PIK3R3: variants seen among roughly 807,000 people sequenced by gnomAD.
The protein encoded by PIK3R3 is phosphatidylinositol 3-kinase regulatory subunit gamma.
PIK3R3 carries 64 observed loss-of-function variants against 62.9 expected under a neutral mutation model. The observed-to-expected ratio is 1.02, with a 90% CI of 0.83 to 1.25. PIK3R3 has a LOEUF of 1.25. Ranked by LOEUF, PIK3R3 falls within the 50% of genes most tolerant of loss-of-function variation. The pLI is 0.00. For synonymous variants in PIK3R3, 165 were observed against 189.0 expected (o/e 0.87, Z 1.04); for missense variants, 614 against 561.6 (o/e 1.09, Z -0.94).
chr1:46,120,585 A>G (rs953949297), intron 1 of PIK3R3, among the ~76,000 whole-genome samples: 3 of 152,198 alleles, frequency 2.0e-5, no homozygotes, highest in Non-Finnish European at 2.9e-5. Context: ...AAAAATAGAA[A>G]ATGAGAATGC....
chr1:46,060,743 C>G (rs1034723814), intron 6 of PIK3R3, among the ~76,000 whole-genome samples: 1 of 152,174 alleles, frequency 6.6e-6, no homozygotes, highest in Admixed American at 6.5e-5. Context: ...TTAAGCTACA[C>G]TGTCTCACAG....
the PIK3R3 span, among the ~76,000 whole-genome samples, chr1:46,151,463 G>A: frequency 1.3e-5 from 2 of 152,174 alleles, no homozygotes; most frequent in African/African-American, 4.8e-5. Flanking sequence ...TTAAACCCCA[G>A]CCAGGCACAG....
At chr1:46,172,168 T>C in the PIK3R3 span, among the ~76,000 whole-genome samples, 36,942 of 152,128 alleles carry the variant, frequency 0.24, 4,767 homozygotes, top group African/African-American at 0.29. Flanking sequence ...TGTCCCAGTG[T>C]GCCACCACTT....
the PIK3R3 span, among the ~76,000 whole-genome samples, chr1:46,174,187 CTA>C: frequency 4.6e-5 from 7 of 152,144 alleles, no homozygotes; most frequent in Non-Finnish European, 4.4e-5. Flanking sequence ...CAGTATGTGT[CTA>C]TGAGTTCACT....
the PIK3R3 span, among the ~76,000 whole-genome samples, chr1:46,152,803 T>G: frequency 5.3e-5 from 8 of 152,148 alleles, no homozygotes; most frequent in Non-Finnish European, 1.0e-4. Context: ...GACCTCGTGA[T>G]CTGCCCTCCT....
At chr1:46,158,869 C>T in the PIK3R3 span, among the ~76,000 whole-genome samples, 465 of 152,178 alleles carry the variant, frequency 3.1e-3, 1 homozygote, top group African/African-American at 0.011. Flanking sequence ...GGGTGGATCA[C>T]GAGGTCAGGA....
the PIK3R3 span, among the ~76,000 whole-genome samples, chr1:46,168,210 G>A: frequency 6.6e-6 from 1 of 152,092 alleles, no homozygotes; most frequent in Non-Finnish European, 1.5e-5. Flanking sequence ...GCTATCTTCT[G>A]TGGAGCCTCT....
At chr1:46,152,165 G>A in the PIK3R3 span, among the ~76,000 whole-genome samples, 2 of 152,102 alleles carry the variant, frequency 1.3e-5, no homozygotes, top group African/African-American at 2.4e-5. Flanking sequence ...CATCCCTGTG[G>A]TTATAAACCC....
At chr1:46,161,077 A>G in the PIK3R3 span, among the ~76,000 whole-genome samples, 61 of 152,042 alleles carry the variant, frequency 4.0e-4, no homozygotes, top group Middle Eastern at 3.2e-3. Flanking sequence ...AAACACCCAA[A>G]AAGTAATGAT....
chr1:46,128,471 T>C (rs765872731), intron 1 of PIK3R3, among the ~76,000 whole-genome samples: 6 of 151,884 alleles, frequency 4.0e-5, no homozygotes, highest in Non-Finnish European at 8.8e-5. Context: ...CATATAAAAA[T>C]ATTGGCACCA....
intron 1 of PIK3R3, among the ~76,000 whole-genome samples, chr1:46,081,183 T>A (rs548322426): frequency 1.3e-5 from 2 of 152,342 alleles, no homozygotes; most frequent in South Asian, 4.1e-4. Context: ...ATGATGGTTA[T>A]GTTATTAATA....
intron 1 of PIK3R3, among the ~76,000 whole-genome samples, chr1:46,100,165 A>G (rs963770968): frequency 6.6e-6 from 1 of 152,158 alleles, no homozygotes; most frequent in Non-Finnish European, 1.5e-5. Flanking sequence ...ATATTTATCA[A>G]TCTTTTTCTT....
intron 1 of PIK3R3, among the ~76,000 whole-genome samples, chr1:46,120,969 G>T (rs1242951966): frequency 6.6e-6 from 1 of 152,196 alleles, no homozygotes; most frequent in Admixed American, 6.5e-5. Context: ...TCTTTTGGAA[G>T]TTGTTATTTA....
intron 1 of PIK3R3, among the ~76,000 whole-genome samples, chr1:46,095,693 CAATT>C (rs1000653566): frequency 6.6e-6 from 1 of 151,952 alleles, no homozygotes; most frequent in African/African-American, 2.4e-5. Flanking sequence ...TAGAAGGGAA[CAATT>C]AATTAAAAGT....
At chr1:46,172,225 T>C in the PIK3R3 span, among the ~76,000 whole-genome samples, 1 of 152,200 alleles carries the variant, frequency 6.6e-6, no homozygotes, top group African/African-American at 2.4e-5. Flanking sequence ...CCCCAGGCAC[T>C]GTGAGGTGTG....
chr1:46,055,106 CTTT>C (rs754326024), intron 7 of PIK3R3, among the ~76,000 whole-genome samples: 1 of 125,460 alleles, frequency 8.0e-6, no homozygotes, highest in South Asian at 2.6e-4. Context: ...GTTTCACCAT[CTTT>C]TTTTTTTTTT....
chr1:46,046,435 T>C lies in PIK3R3; in HGVS notation c.1016+116A>G. ...ATTCAATTCAAAAGATAGTCAAAGT[T>C]CTAGATTCAATGTCCTCAAGTGACA... On this transcript the variant is annotated intron_variant, in intron 8 of 9. Transcript: ENST00000262741. The C allele has an allele frequency of 6.6e-6, 5 of 753,136 alleles. No homozygotes were observed. In the South Asian group the frequency reaches 8.2e-5, roughly 12 times the overall value. The allele number at this position is 753,136 out of a possible 1,614,324, so 46.7% of individuals were successfully genotyped here. A position where few individuals can be genotyped will look rare whatever the true frequency, so the allele number is the denominator to read the frequency against.
chr1:46,046,727 G>A (rs780989360), intron 7 of PIK3R3, 102 bp from the exon 8 acceptor site: 80 of 747,584 alleles, frequency 1.1e-4, no homozygotes, highest in Non-Finnish European at 1.6e-4. Flanking sequence ...GACACCTCTT[G>A]TTTTTCCTAA....
intron 4 of PIK3R3, 49 bp downstream of exon 4, chr1:46,066,862 G>T: frequency 7.2e-7 from 1 of 1,379,436 alleles, no homozygotes; most frequent in Non-Finnish European, 1.0e-6. Flanking sequence ...AAATAAGGCT[G>T]TTAAATAATC....
Sources: allele counts gnomAD v4.1 joint callset (sites outside exome capture counted in the v4.1 genomes callset), GRCh38; gene constraint gnomAD v4.1.1; transcripts MANE v1.5; gene names NCBI Gene and HGNC (gene_info 2026-07-23, HGNC 2026-07-21).